The following METTL25 variants were observed in gnomAD, a reference collection of about 807,000 sequenced individuals.
METTL25 encodes probable methyltransferase-like protein 25.
A neutral mutation model predicts 71.6 loss-of-function variants in METTL25; 64 were observed. The observed-to-expected ratio is 0.89, with a 90% CI of 0.73 to 1.10. The LOEUF is 1.10. Among genes scored for constraint, METTL25 ranks in the 50% least tolerant of loss-of-function variants. The probability of loss-of-function intolerance (pLI) is 0.00; values close to 1 mark genes in which losing one functional copy is unlikely to be tolerated. For missense variants in METTL25, 807 were observed against 707.0 expected (o/e 1.14, Z -1.60); for synonymous variants, 287 against 250.3 (o/e 1.15, Z -1.38).
chr12:82,451,377 A>G (rs1272553468), intron 8 of METTL25: 1 of 371,864 alleles, frequency 2.7e-6, no homozygotes, highest in Non-Finnish European at 3.7e-6. Context: ...CCACTGCATC[A>G]TATCACTGTG....
chr12:82,458,195 CACTT>C (rs1891626580), intron 9 of METTL25, among the ~76,000 whole-genome samples: 1 of 151,984 alleles, frequency 6.6e-6, no homozygotes, highest in African/African-American at 2.4e-5. Context: ...ATTTACCAAA[CACTT>C]ACTCTGTGAT....
chr12:82,424,552 A>G (rs1443624165), intron 5 of METTL25, among the ~76,000 whole-genome samples: 1 of 150,770 alleles, frequency 6.6e-6, no homozygotes, highest in Non-Finnish European at 1.5e-5. Context: ...CTATATATAT[A>G]TATATATGTA....
intron 9 of METTL25, chr12:82,459,913 T>A (rs1891752434): frequency 1.3e-5 from 2 of 152,272 alleles, no homozygotes; most frequent in Non-Finnish European, 1.5e-5. Flanking sequence ...TAACTTCCTC[T>A]ATCAACCTGA....
At chr12:82,473,998 G>A (rs992678656) in intron 9 of METTL25, among the ~76,000 whole-genome samples, 2 of 152,166 alleles carry the variant, frequency 1.3e-5, no homozygotes, top group Non-Finnish European at 2.9e-5. Flanking sequence ...CTGGTCTTAA[G>A]ATGGCTCTGT....
intron 8 of METTL25, among the ~76,000 whole-genome samples, chr12:82,444,225 T>C (rs1306871936): frequency 6.6e-6 from 1 of 152,068 alleles, no homozygotes; most frequent in South Asian, 2.1e-4. Flanking sequence ...AACTTCTCAG[T>C]GGAAAATTCA....
chr12:82,450,526 C>CTA (rs1243247243), intron 8 of METTL25, among the ~76,000 whole-genome samples: 3 of 152,128 alleles, frequency 2.0e-5, no homozygotes, highest in Admixed American at 2.0e-4. Context: ...TCACTATAGC[C>CTA]TATTCTTTAC....
intron 1 of METTL25, among the ~76,000 whole-genome samples, chr12:82,361,206 A>C (rs1453498267): frequency 6.6e-6 from 1 of 152,150 alleles, no homozygotes; most frequent in Admixed American, 6.5e-5. Flanking sequence ...CCTAGTCCCC[A>C]CTAGATCAGC....
intron 6 of METTL25, 98 bp downstream of exon 6, chr12:82,431,085 G>C: frequency 1.6e-6 from 1 of 642,454 alleles, no homozygotes. Flanking sequence ...AAATTTTGCA[G>C]AACATCCCAT....
Position 82,471,258 on chromosome 12 carries a change from A to G in METTL25, c.1573-5386A>G, listed in dbSNP as rs112838577. On this transcript the variant is annotated intron_variant, in intron 9 of 11. Coordinates refer to ENST00000248306, the MANE Select transcript of METTL25 (RefSeq NM_032230.3). ...GTAGCTTCTCTGAAAAGACTTGGCT[A>G]GATTAGTCTGCATTCCTGTGTGGTC... is the stretch of plus-strand genomic sequence containing the variant. Among the ~76,000 whole-genome samples, 170 of 152,350 alleles carry G rather than the reference A, an allele frequency of 1.1e-3. 2 individuals carry two copies. Among genetic ancestry groups the G allele is most frequent in the African/African-American group, 4.0e-3 (166 of 41,590 alleles).
chr12:82,400,057 C>G (rs1202692177), intron 4 of METTL25, among the ~76,000 whole-genome samples: 1 of 151,764 alleles, frequency 6.6e-6, no homozygotes, highest in East Asian at 1.9e-4. Context: ...AGTGCCGTGG[C>G]TCACGTCTGT....
intron 3 of METTL25, among the ~76,000 whole-genome samples, chr12:82,398,253 C>CT (rs572095749): frequency 0.03 from 4,223 of 142,410 alleles, 79 homozygotes; most frequent in Middle Eastern, 0.043. Context: ...TTTTATTTTT[C>CT]TTTTTTTTTT....
At chr12:82,362,919 T>C (rs552408598) in intron 1 of METTL25, among the ~76,000 whole-genome samples, 7 of 151,238 alleles carry the variant, frequency 4.6e-5, no homozygotes, top group African/African-American at 1.7e-4. Flanking sequence ...GGCAGAAATA[T>C]AAGAAGAGGT....
intron 9 of METTL25, among the ~76,000 whole-genome samples, chr12:82,461,585 A>G (rs1565883076): frequency 6.6e-6 from 1 of 152,198 alleles, no homozygotes; most frequent in Non-Finnish European, 1.5e-5. Flanking sequence ...TTTTTCCAAA[A>G]CTAGCAATCA....
At chr12:82,438,832 T>C in intron 8 of METTL25, 41 bp downstream of exon 8, 1 of 1,462,946 alleles carries the variant, frequency 6.8e-7, no homozygotes, top group African/African-American at 1.4e-5. Context: ...TATGTTATAT[T>C]GTAAGTAAAG....
chr12:82,367,614 G>A lies in METTL25; in HGVS notation c.259+8790G>A, dbSNP rs138867568. On this transcript the variant is annotated intron_variant, in intron 1 of 11. Coordinates refer to ENST00000248306, the MANE Select transcript of METTL25 (RefSeq NM_032230.3). ...AATCTTGCAACAGAATTTTTGTAAT[G>A]GCTTCCAACCTGTTGTTCTTGCCTT... Among the ~76,000 whole-genome samples the A allele has an allele frequency of 2.7e-3, 404 of 152,224 alleles. 1 individual carries two copies. Among genetic ancestry groups the A allele is most frequent in the African/African-American group, 9.3e-3 (388 of 41,522 alleles).
At chr12:82,363,383 A>G (rs1329801349) in intron 1 of METTL25, among the ~76,000 whole-genome samples, 1 of 152,214 alleles carries the variant, frequency 6.6e-6, no homozygotes, top group Non-Finnish European at 1.5e-5. Flanking sequence ...CAAGTTTGGC[A>G]GAGCAACTGG....
intron 1 of METTL25, among the ~76,000 whole-genome samples, chr12:82,375,149 A>G (rs919028661): frequency 6.6e-6 from 1 of 152,192 alleles, no homozygotes; most frequent in Non-Finnish European, 1.5e-5. Context: ...CATTTTAGAT[A>G]TATGTTGCTG....
At chr12:82,434,752 C>T (rs752315851) in intron 7 of METTL25, 28 bp downstream of exon 7, 11 of 1,602,570 alleles carry the variant, frequency 6.9e-6, no homozygotes, top group East Asian at 6.7e-5. Context: ...CTGATGAACA[C>T]GACAGTTTTT....
At chr12:82,428,352 G>C (rs75984356) in intron 5 of METTL25, among the ~76,000 whole-genome samples, 58 of 151,828 alleles carry the variant, frequency 3.8e-4, no homozygotes, top group South Asian at 8.3e-4. Flanking sequence ...TTATTGGTTA[G>C]TAATAAACCA....
Sources: gnomAD v4.1 joint callset for allele counts (sites outside exome capture counted in the v4.1 genomes callset) on GRCh38, gnomAD v4.1.1 for gene constraint, MANE v1.5 for transcripts, NCBI Gene and HGNC (gene_info 2026-07-23, HGNC 2026-07-21) for gene names.